NKAP: variants seen among roughly 807,000 people sequenced by gnomAD.
NKAP encodes the protein NFKB activating protein.
In NKAP, 4 loss-of-function variants were observed where a neutral mutation model predicts 35.6. That is an observed-to-expected ratio of 0.11 (90% CI 0.06 to 0.26). The LOEUF (loss-of-function observed/expected upper bound fraction) is 0.26. Among genes scored for constraint, NKAP ranks in the 10% least tolerant of loss-of-function variants. The probability of loss-of-function intolerance (pLI) is 1.00; values close to 1 mark genes in which losing one functional copy is unlikely to be tolerated. For synonymous variants in NKAP, 106 were observed against 119.2 expected (o/e 0.89, Z 0.72); for missense variants, 238 against 321.9 (o/e 0.74, Z 1.99).
intron 5 of NKAP, 64 bp downstream of exon 5, chrX:119,934,430 C>CAAAAAAAAAAAAA (rs369386190): frequency 9.0e-5 from 17 of 188,879 alleles, no homozygotes; most frequent in African/African-American, 3.2e-4. Flanking sequence ...GACTCTGTCT[C>CAAAAAAAAAAAAA]AAAAAAAAAA....
intron 1 of NKAP, among the ~76,000 whole-genome samples, chrX:119,940,275 GT>G (rs1429737057): frequency 1.9e-5 from 2 of 106,825 alleles, no homozygotes; most frequent in Non-Finnish European, 3.8e-5. Flanking sequence ...GGAGGTGGAG[GT>G]TGCAGTGAGC....
At chrX:119,938,840 T>C in intron 1 of NKAP, 30 bp from the exon 2 acceptor site, 1 of 1,026,237 alleles carries the variant, frequency 9.7e-7, no homozygotes, top group South Asian at 2.2e-5. Flanking sequence ...AAATTATAAC[T>C]CAATGGCTGA....
chrX:119,940,371 A>AC (rs1207362539), intron 1 of NKAP, among the ~76,000 whole-genome samples: 1 of 108,804 alleles, frequency 9.2e-6, no homozygotes, highest in Non-Finnish European at 1.9e-5. Flanking sequence ...AAAAAAAAAA[A>AC]AACTATACTC....
At chrX:119,929,418 G>A (rs932605175) in intron 8 of NKAP, among the ~76,000 whole-genome samples, 2 of 112,085 alleles carry the variant, frequency 1.8e-5, no homozygotes, top group Non-Finnish European at 3.8e-5. Context: ...TCTAAGTACT[G>A]CTGCCCTATT....
Position 119,920,828 on chromosome X carries a change from A to G in NKAP, c.*4392T>C, listed in dbSNP as rs981430434. The G allele has an allele frequency of 8.4e-5, 21 of 249,973 alleles. No homozygotes were observed. The highest frequency in any genetic ancestry group is 1.4e-4 in the Non-Finnish European group (20 of 140,453). The allele number at this position is 249,973 out of a possible 1,213,427, so 20.6% of individuals were successfully genotyped here. A position where few individuals can be genotyped will look rare whatever the true frequency, so the allele number is the denominator to read the frequency against. ...TTCTAAAGTATTTTTTTCTATCACT[A>G]TATGTATCACTTCTGAGTCTTACAG... On this transcript the variant is annotated 3_prime_UTR_variant, in exon 9 of 9. Transcript: ENST00000371410.
chrX:119,939,152 T>G (rs2056780467), intron 1 of NKAP, among the ~76,000 whole-genome samples: 2 of 112,636 alleles, frequency 1.8e-5, no homozygotes, highest in Non-Finnish European at 3.8e-5. Flanking sequence ...TTATGAAAGG[T>G]GAAGAGAAGT....
intron 8 of NKAP, among the ~76,000 whole-genome samples, chrX:119,928,101 G>A (rs903077687): frequency 8.9e-6 from 1 of 112,224 alleles, no homozygotes; most frequent in African/African-American, 3.2e-5. Context: ...CTATATTGAA[G>A]ATATGGACTC....
chrX:119,938,645 G>A (rs1437758268), intron 2 of NKAP, 85 bp downstream of exon 2: 1 of 632,873 alleles, frequency 1.6e-6, no homozygotes, highest in Non-Finnish European at 2.4e-6. Flanking sequence ...TATATTTAAA[G>A]TTCTTCACTT....
rs2056695904 is a variant in NKAP, at chrX:119,923,426, GAC to G, written c.*1792_*1793del. 1 of 111,973 alleles carries G rather than the reference GAC, an allele frequency of 8.9e-6. No homozygotes were observed. Among genetic ancestry groups the G allele is most frequent in the African/African-American group, 3.2e-5 (1 of 30,888 alleles). 9.2% of individuals were successfully genotyped at this position (111,973 alleles called of 1,213,427 possible). ...AATGAAATCTACTTAGTATATGAAAGACAGTTAAAAATATTTAATATCATTTT... is the reference window on the plus strand; with the variant it reads ...AATGAAATCTACTTAGTATATGAAAGAGTTAAAAATATTTAATATCATTTT... On this transcript the variant is annotated 3_prime_UTR_variant, in exon 9 of 9. Transcript: ENST00000371410.
In NKAP at chrX:119,938,712, T is replaced by C; in HGVS notation, c.467+18A>G. 9.1e-7 allele frequency: 1 copy of C among 1,104,281 alleles called. No homozygotes were observed. The highest frequency in any genetic ancestry group is 1.2e-6 in the Non-Finnish European group (1 of 815,180). The allele number at this position is 1,104,281 out of a possible 1,213,427, so 91.0% of individuals were successfully genotyped here. A position where few individuals can be genotyped will look rare whatever the true frequency, so the allele number is the denominator to read the frequency against. ...CACATATTATAACATTTTAAAAATA[T>C]ATTTTTTAACCACTTACTCTGGTTC... On this transcript the variant is annotated intron_variant, in intron 2 of 8. Coordinates refer to ENST00000371410, the MANE Select transcript of NKAP (RefSeq NM_024528.4).
intron 7 of NKAP, among the ~76,000 whole-genome samples, chrX:119,931,203 A>AAAACG (rs1255810331): frequency 1.8e-5 from 2 of 109,551 alleles, no homozygotes; most frequent in Non-Finnish European, 3.8e-5. Flanking sequence ...AAAACAAAAC[A>AAAACG]AACAAAAAAA....
Position 119,923,478 on chromosome X carries a change from C to T in NKAP, c.*1742G>A, listed in dbSNP as rs773572282. On this transcript the variant is annotated 3_prime_UTR_variant, in exon 9 of 9. Transcript: ENST00000371410. ...TAGTTTCTCTTATGAAACAATTAAG[C>T]TAAAATACTGACTCATTATATTTTT... 4 of 111,938 alleles carry T rather than the reference C, an allele frequency of 3.6e-5. No homozygotes were observed. The highest frequency in any genetic ancestry group is 1.3e-4 in the African/African-American group (4 of 30,921). 9.2% of individuals were successfully genotyped at this position (111,938 alleles called of 1,213,427 possible). A position where few individuals can be genotyped will look rare whatever the true frequency, so the allele number is the denominator to read the frequency against.
intron 2 of NKAP, chrX:119,936,980 G>A (rs771840199): frequency 6.2e-6 from 1 of 160,592 alleles, no homozygotes; most frequent in Non-Finnish European, 1.2e-5. Flanking sequence ...TTTAAACAAA[G>A]CAGCATGGAG....
In NKAP at chrX:119,924,353, A is replaced by G. The variant is rs1603379217; in HGVS notation, c.*867T>C. ...TCATCTCACTAACACTTTTTGTTCA[A>G]GCCACCTCCTCCAATACAGTAGCAT... On this transcript the variant is annotated 3_prime_UTR_variant, in exon 9 of 9. Coordinates refer to ENST00000371410, the MANE Select transcript of NKAP (RefSeq NM_024528.4). The G allele has an allele frequency of 9.0e-6, 1 of 110,979 alleles. No homozygotes were observed. Among genetic ancestry groups the G allele is most frequent in the East Asian group, 2.8e-4 (1 of 3,542 alleles). 9.1% of individuals were successfully genotyped at this position (110,979 alleles called of 1,213,427 possible).
At chrX:119,939,768 G>A (rs935859953) in intron 1 of NKAP, among the ~76,000 whole-genome samples, 4 of 106,463 alleles carry the variant, frequency 3.8e-5, no homozygotes, top group Non-Finnish European at 7.8e-5. Context: ...GCGTGGTGGC[G>A]CATGCCTGTA....
At chrX:119,928,895 C>A (rs961033280) in intron 8 of NKAP, among the ~76,000 whole-genome samples, 2 of 107,844 alleles carry the variant, frequency 1.9e-5, no homozygotes, top group African/African-American at 6.8e-5. Flanking sequence ...CTTTCCAATC[C>A]TTATTATTAT....
intron 1 of NKAP, among the ~76,000 whole-genome samples, chrX:119,940,112 G>T (rs1354944546): frequency 9.1e-6 from 1 of 109,912 alleles, no homozygotes; most frequent in Non-Finnish European, 1.9e-5. Flanking sequence ...GAGGCAGGTG[G>T]ATCACCTGAG....
intron 2 of NKAP, 152 bp from the exon 3 acceptor site, chrX:119,936,834 G>A: frequency 6.9e-6 from 3 of 431,885 alleles, no homozygotes; most frequent in Non-Finnish European, 1.2e-5. Context: ...GCAGAACTTG[G>A]GAATCAAAAA....
At chrX:119,932,368 C>A (rs7877530) in intron 5 of NKAP, 152 bp from the exon 6 acceptor site, 10 of 379,478 alleles carry the variant, frequency 2.6e-5, no homozygotes, top group South Asian at 1.8e-4. Context: ...TCTGAATTCC[C>A]AGCTTATTCA....
Sources: gnomAD v4.1 joint callset for allele counts (sites outside exome capture counted in the v4.1 genomes callset) on GRCh38, gnomAD v4.1.1 for gene constraint, MANE v1.5 for transcripts, NCBI Gene and HGNC (gene_info 2026-07-23, HGNC 2026-07-21) for gene names.